ZFPM2: variants seen among roughly 807,000 people sequenced by gnomAD.
The protein encoded by ZFPM2 is zinc finger protein, FOG family member 2.
ZFPM2 carries 20 observed loss-of-function variants against 98.6 expected under a neutral mutation model. The ratio of observed to expected loss-of-function variants is 0.20; its 90% CI spans 0.14 to 0.29. The LOEUF is 0.29. Ranked by LOEUF, ZFPM2 falls within the 10% of genes least tolerant of loss-of-function variation. The pLI is 1.00. For missense variants in ZFPM2, 1,310 were observed against 1,388.6 expected, an observed-to-expected ratio of 0.94 and a Z score of 0.90; for synonymous variants, 518 against 502.7, an observed-to-expected ratio of 1.03 and a Z score of -0.41.
intron 4 of ZFPM2, among the ~76,000 whole-genome samples, chr8:105,593,548 T>A (rs1815895779): frequency 1.3e-5 from 2 of 152,028 alleles, no homozygotes; most frequent in Non-Finnish European, 2.9e-5. Flanking sequence ...TGTCCGCAGC[T>A]GTCCCCAATT....
At chr8:105,641,568 G>A (rs995369698) in intron 5 of ZFPM2, among the ~76,000 whole-genome samples, 2 of 152,096 alleles carry the variant, frequency 1.3e-5, no homozygotes, top group African/African-American at 4.8e-5. Context: ...AGAGCTGTCT[G>A]TTGCAAATTG....
chr8:105,368,446 G>C (rs1475322959), intron 1 of ZFPM2, among the ~76,000 whole-genome samples: 1 of 152,106 alleles, frequency 6.6e-6, no homozygotes, highest in Non-Finnish European at 1.5e-5. Context: ...TCCACTTTGA[G>C]CCCAATCAGA....
chr8:105,596,003 GAAA>G (rs34732263), intron 4 of ZFPM2, among the ~76,000 whole-genome samples: 16,185 of 131,910 alleles, frequency 0.12, 1,050 homozygotes, highest in South Asian at 0.22. Context: ...CCTTTTATCT[GAAA>G]AAAAAAAAAA....
intron 4 of ZFPM2, among the ~76,000 whole-genome samples, chr8:105,612,775 T>A (rs71522751): frequency 6.6e-6 from 1 of 152,218 alleles, no homozygotes; most frequent in African/African-American, 2.4e-5. Context: ...ATATTTTAAT[T>A]GTCTGTGTGC....
At chr8:105,331,278 T>C (rs191248311) in intron 1 of ZFPM2, among the ~76,000 whole-genome samples, 1 of 151,614 alleles carries the variant, frequency 6.6e-6, no homozygotes, top group East Asian at 1.9e-4. Context: ...CCAGCTAGAC[T>C]GCAATTCTAT....
chr8:105,434,140 A>G (rs528899485), intron 2 of ZFPM2, among the ~76,000 whole-genome samples: 1 of 152,330 alleles, frequency 6.6e-6, no homozygotes, highest in South Asian at 2.1e-4. Flanking sequence ...AAACCAGGAT[A>G]GGAATCCACA....
intron 3 of ZFPM2, among the ~76,000 whole-genome samples, chr8:105,560,574 GTT>G (rs36014181): frequency 0.015 from 1,933 of 133,192 alleles, 43 homozygotes; most frequent in African/African-American, 0.05. Flanking sequence ...GCTATTGGCC[GTT>G]TTTTTTTTTT....
At chr8:105,765,663 G>A (rs1220176993) in intron 5 of ZFPM2, among the ~76,000 whole-genome samples, 6 of 151,748 alleles carry the variant, frequency 4.0e-5, no homozygotes, top group Admixed American at 6.6e-5. Context: ...CAGGCAGCTC[G>A]TCCCCAAATC....
chr8:105,714,648 T>C (rs1235134978), intron 5 of ZFPM2, among the ~76,000 whole-genome samples: 2 of 152,098 alleles, frequency 1.3e-5, no homozygotes, highest in African/African-American at 2.4e-5. Context: ...ATCTGTATAA[T>C]GGAAATACCA....
chr8:105,527,634 G>A (rs200629215), intron 3 of ZFPM2, among the ~76,000 whole-genome samples: 1 of 152,146 alleles, frequency 6.6e-6, no homozygotes, highest in Non-Finnish European at 1.5e-5. Context: ...TTACAGGCTT[G>A]TAAAACTGGG....
rs1175434030 is a variant in ZFPM2, at chr8:105,577,374, T to A, written c.420+15893T>A. 2.0e-5 allele frequency among the ~76,000 whole-genome samples: 3 copies of A among 152,106 alleles called. No homozygotes were observed. In the East Asian group the frequency reaches 5.8e-4, roughly 29 times the overall value. On this transcript the variant is annotated intron_variant, in intron 4 of 7. Transcript: ENST00000407775. ...TGCTCATATAGAGTAAACAGTTGAT[T>A]TTTAAGCCAACAAATAAGATAAAAA...
chr8:105,506,943 G>A (rs1354860081), intron 3 of ZFPM2, among the ~76,000 whole-genome samples: 2 of 147,140 alleles, frequency 1.4e-5, no homozygotes, highest in African/African-American at 5.0e-5. Context: ...AGCCAAGATT[G>A]CGCCACTGCA....
chr8:105,409,190 G>A (rs148770597), intron 1 of ZFPM2, among the ~76,000 whole-genome samples: 1 of 151,746 alleles, frequency 6.6e-6, no homozygotes, highest in Non-Finnish European at 1.5e-5. Flanking sequence ...TTTTGCTGTT[G>A]GAAGGTTTTG....
chr8:105,448,536 T>C (rs2130241709), intron 3 of ZFPM2, among the ~76,000 whole-genome samples: 1 of 152,118 alleles, frequency 6.6e-6, no homozygotes, highest in South Asian at 2.1e-4. Flanking sequence ...TGATGTCATT[T>C]CCCTCCTGTG....
chr8:105,613,864 G>A (rs902806541), intron 4 of ZFPM2, among the ~76,000 whole-genome samples: 2 of 152,108 alleles, frequency 1.3e-5, no homozygotes, highest in African/African-American at 2.4e-5. Flanking sequence ...AAAAAGAATG[G>A]AAGGTACATG....
intron 5 of ZFPM2, among the ~76,000 whole-genome samples, chr8:105,760,778 C>A (rs1378409598): frequency 1.3e-5 from 2 of 151,974 alleles, no homozygotes; most frequent in African/African-American, 4.8e-5. Context: ...TAGACTTCAA[C>A]TAAAACGAAA....
At chr8:105,540,047 C>T (rs1224051508) in intron 3 of ZFPM2, among the ~76,000 whole-genome samples, 2 of 152,040 alleles carry the variant, frequency 1.3e-5, no homozygotes, top group African/African-American at 4.8e-5. Context: ...TATCCAGATC[C>T]TTTGTTTTTT....
At chr8:105,736,675 G>T (rs1460538686) in intron 5 of ZFPM2, among the ~76,000 whole-genome samples, 1 of 151,972 alleles carries the variant, frequency 6.6e-6, no homozygotes, top group Non-Finnish European at 1.5e-5. Context: ...TGATGCTTGG[G>T]TTATTTGTTG....
intron 3 of ZFPM2, among the ~76,000 whole-genome samples, chr8:105,502,608 C>A (rs971668401): frequency 1.3e-5 from 2 of 152,154 alleles, no homozygotes; most frequent in Non-Finnish European, 2.9e-5. Flanking sequence ...TCTAGAAAAG[C>A]AAAAGTTAGT....
Sources: gnomAD v4.1 joint callset for allele counts (sites outside exome capture counted in the v4.1 genomes callset) on GRCh38, gnomAD v4.1.1 for gene constraint, MANE v1.5 for transcripts, NCBI Gene and HGNC (gene_info 2026-07-23, HGNC 2026-07-21) for gene names.